The following ME3 variants were observed in gnomAD, a reference collection of about 807,000 sequenced individuals.
ME3 encodes the protein NADP-dependent malic enzyme, mitochondrial.
ME3 carries 48 observed loss-of-function variants against 68.9 expected under a neutral mutation model. That is an observed-to-expected ratio of 0.70 (90% confidence interval 0.55 to 0.89). The LOEUF is 0.89. Among genes scored for constraint, ME3 ranks in the 40% least tolerant of loss-of-function variants. ME3 has a pLI of 0.00. For missense variants in ME3, 675 were observed against 797.4 expected (o/e 0.85, Z 1.85); for synonymous variants, 320 against 318.8 (o/e 1.00, Z -0.04).
chr11:86,661,208 C>T (rs1160688131), intron 2 of ME3, among the ~76,000 whole-genome samples: 1 of 152,208 alleles, frequency 6.6e-6, no homozygotes, highest in Non-Finnish European at 1.5e-5. Flanking sequence ...TGGAAAGAGC[C>T]ATGACTACTA....
chr11:86,594,339 A>G (rs945097912), intron 2 of ME3, among the ~76,000 whole-genome samples: 1 of 146,090 alleles, frequency 6.8e-6, no homozygotes, highest in South Asian at 2.3e-4. Flanking sequence ...CTACCTCCAT[A>G]TATTCACCTC....
intron 6 of ME3, among the ~76,000 whole-genome samples, chr11:86,497,012 T>C (rs1459014179): frequency 6.6e-6 from 1 of 152,124 alleles, no homozygotes; most frequent in Non-Finnish European, 1.5e-5. Flanking sequence ...GACAGAGTCT[T>C]GCTGTGTCAC....
At chr11:86,596,931 G>C (rs1466493788) in intron 2 of ME3, among the ~76,000 whole-genome samples, 1 of 152,184 alleles carries the variant, frequency 6.6e-6, no homozygotes, top group Non-Finnish European at 1.5e-5. Flanking sequence ...AGGTTGTGGA[G>C]AACAGTCAAA....
chr11:86,526,575 T>C (rs1395678992), intron 4 of ME3, among the ~76,000 whole-genome samples: 1 of 152,212 alleles, frequency 6.6e-6, no homozygotes, highest in East Asian at 1.9e-4. Flanking sequence ...CCTCCTCAAG[T>C]GGGTCCCTGA....
chr11:86,578,514 A>G (rs1337014678), intron 2 of ME3, among the ~76,000 whole-genome samples: 1 of 152,182 alleles, frequency 6.6e-6, no homozygotes, highest in African/African-American at 2.4e-5. Context: ...GACACGAGAC[A>G]ACCAAGGACA....
At chr11:86,500,439 T>A (rs1318743359) in intron 5 of ME3, among the ~76,000 whole-genome samples, 1 of 152,206 alleles carries the variant, frequency 6.6e-6, no homozygotes, top group Non-Finnish European at 1.5e-5. Flanking sequence ...AATCCTACCA[T>A]GGTTATAGTT....
intron 4 of ME3, among the ~76,000 whole-genome samples, chr11:86,553,052 A>G (rs1321478598): frequency 6.6e-6 from 1 of 152,102 alleles, no homozygotes; most frequent in African/African-American, 2.4e-5. Flanking sequence ...CAGCTCACAC[A>G]CTAGTGACTG....
chr11:86,546,520 C>G (rs1956368165), intron 4 of ME3, among the ~76,000 whole-genome samples: 1 of 152,172 alleles, frequency 6.6e-6, no homozygotes, highest in Non-Finnish European at 1.5e-5. Flanking sequence ...CGAACAGACA[C>G]TTCTCAAAAG....
intron 4 of ME3, among the ~76,000 whole-genome samples, chr11:86,525,600 C>T (rs1293177030): frequency 5.9e-5 from 9 of 151,956 alleles, no homozygotes; most frequent in East Asian, 1.9e-4. Flanking sequence ...CAGTGGCTCA[C>T]GCCTGTAGTC....
chr11:86,653,191 CAG>C (rs1945589004), intron 2 of ME3, among the ~76,000 whole-genome samples: 1 of 152,092 alleles, frequency 6.6e-6, no homozygotes, highest in African/African-American at 2.4e-5. Flanking sequence ...ATGAACGAGA[CAG>C]AAAGTTAACA....
chr11:86,644,975 C>G (rs754352783), intron 2 of ME3, among the ~76,000 whole-genome samples: 4 of 152,158 alleles, frequency 2.6e-5, no homozygotes, highest in Non-Finnish European at 5.9e-5. Flanking sequence ...AACTCTCTCC[C>G]TTAGCCAAGG....
intron 4 of ME3, among the ~76,000 whole-genome samples, chr11:86,511,288 A>C (rs929897235): frequency 7.9e-5 from 12 of 152,230 alleles, no homozygotes; most frequent in African/African-American, 2.9e-4. Flanking sequence ...CAACACGCCT[A>C]CAGAATCTTG....
intron 5 of ME3, among the ~76,000 whole-genome samples, chr11:86,499,547 T>C (rs1203661941): frequency 6.6e-6 from 1 of 152,190 alleles, no homozygotes; most frequent in Admixed American, 6.5e-5. Context: ...TGAAGACCCA[T>C]TCTTTCCCTG....
intron 2 of ME3, among the ~76,000 whole-genome samples, chr11:86,597,469 T>C (rs536005109): frequency 1.3e-5 from 2 of 152,316 alleles, no homozygotes; most frequent in South Asian, 2.1e-4. Flanking sequence ...ACACATCTTG[T>C]TGTTGGAAAG....
chr11:86,615,127 T>C (rs1169163105), intron 2 of ME3, among the ~76,000 whole-genome samples: 2 of 152,180 alleles, frequency 1.3e-5, no homozygotes, highest in African/African-American at 4.8e-5. Flanking sequence ...AAAACAGGAA[T>C]TTATGAACTA....
At chr11:86,530,338 G>A (rs1955112417) in intron 4 of ME3, among the ~76,000 whole-genome samples, 1 of 152,102 alleles carries the variant, frequency 6.6e-6, no homozygotes, top group Admixed American at 6.5e-5. Flanking sequence ...ACTGCTCAAT[G>A]AAATAAAAGA....
At chr11:86,562,623 C>G (rs955542207) in intron 2 of ME3, among the ~76,000 whole-genome samples, 4 of 152,110 alleles carry the variant, frequency 2.6e-5, no homozygotes, top group African/African-American at 9.7e-5. Flanking sequence ...CTTTAATTAG[C>G]AATCCTCTAT....
rs533214451 is a variant in ME3 at position 86,504,619 on chromosome 11, C to T, written c.543+4173G>A. 2.6e-5 allele frequency among the ~76,000 whole-genome samples: 4 copies of T among 152,150 alleles called. No homozygotes were observed. The South Asian group carries it at 8.3e-4, about 32-fold the overall frequency. On this transcript the variant is annotated intron_variant, in intron 5 of 14. Coordinates refer to ENST00000543262, the Ensembl canonical transcript of ME3. ...ATGTTGGCCAGGCTGGTCTCAAACT[C>T]CTGACCTCAGGTGATCTGCCCACCT...
chr11:86,468,681 T>A (rs553584447), intron 7 of ME3, among the ~76,000 whole-genome samples: 9 of 152,318 alleles, frequency 5.9e-5, no homozygotes, highest in African/African-American at 2.2e-4. Flanking sequence ...AAAATGTTTC[T>A]CAATTCATCC....
Sources: gnomAD v4.1 joint callset for allele counts (sites outside exome capture counted in the v4.1 genomes callset) on GRCh38, gnomAD v4.1.1 for gene constraint, MANE v1.5 for transcripts, NCBI Gene and HGNC (gene_info 2026-07-23, HGNC 2026-07-21) for gene names.